The following FLVCR2 variants were observed in gnomAD, a reference collection of about 807,000 sequenced individuals.
The protein encoded by FLVCR2 is choline/ethanolamine transporter FLVCR2.
Under a neutral mutation model 48.9 loss-of-function variants are expected in FLVCR2, and 38 were observed. That is an observed-to-expected ratio of 0.78 (90% CI 0.60 to 1.02). The LOEUF is 1.02. Ranked by LOEUF, FLVCR2 falls within the 50% of genes least tolerant of loss-of-function variation. The pLI is 0.00. For missense variants in FLVCR2, 664 were observed against 663.3 expected (o/e 1.00, Z -0.01); for synonymous variants, 255 against 257.0 (o/e 0.99, Z 0.07).
intron 1 of FLVCR2, among the ~76,000 whole-genome samples, chr14:75,596,787 C>T (rs1236009859): frequency 2.5e-5 from 3 of 119,430 alleles, no homozygotes; most frequent in South Asian, 4.1e-4. Flanking sequence ...TTTGCCCCCC[C>T]CCCCCGCCCC....
chr14:75,637,969 A>C (rs911293267), intron 5 of FLVCR2, among the ~76,000 whole-genome samples: 2 of 151,878 alleles, frequency 1.3e-5, no homozygotes, highest in Non-Finnish European at 2.9e-5. Flanking sequence ...AGAAACCAAG[A>C]CTTGCTGATG....
intron 1 of FLVCR2, among the ~76,000 whole-genome samples, chr14:75,610,300 G>C (rs1187867616): frequency 6.6e-6 from 1 of 152,170 alleles, no homozygotes; most frequent in Non-Finnish European, 1.5e-5. Context: ...CTGGCCCTTT[G>C]TGGAGTTCAC....
intron 1 of FLVCR2, among the ~76,000 whole-genome samples, chr14:75,600,369 A>G (rs949628494): frequency 5.9e-5 from 9 of 152,240 alleles, no homozygotes; most frequent in Non-Finnish European, 7.3e-5. Context: ...ATCAAGAAGT[A>G]ACAATAAATA....
In FLVCR2 at chr14:75,645,917, CAAAAAAAAAAAA is replaced by C. The variant is rs33996926; in HGVS notation, c.1510-473_1510-462del. 3.2e-3 allele frequency among the ~76,000 whole-genome samples: 300 copies of C among 93,910 alleles called. 1 individual carries two copies. The highest frequency in any genetic ancestry group is 0.012 in the African/African-American group (283 of 23,430). The allele number at this position is 93,910 out of a possible 152,430, so 61.6% of individuals were successfully genotyped here. On this transcript the variant is annotated intron_variant, in intron 9 of 9. Transcript: ENST00000238667. Reference sequence around the variant, plus strand: ...TAGGCAGCAAAGTGAGACTCCATCTCAAAAAAAAAAAAAAAAAAAAAAGTATTCCTCATCCTG... The same window carrying C: ...TAGGCAGCAAAGTGAGACTCCATCTCAAAAAAAAAAGTATTCCTCATCCTG...
At chr14:75,593,912 C>T (rs1035203267) in intron 1 of FLVCR2, among the ~76,000 whole-genome samples, 5 of 152,236 alleles carry the variant, frequency 3.3e-5, no homozygotes, top group African/African-American at 1.2e-4. Flanking sequence ...TCTTTCTGCT[C>T]TGCTTTCTTT....
intron 1 of FLVCR2, among the ~76,000 whole-genome samples, chr14:75,599,196 A>G (rs1330201627): frequency 2.0e-5 from 3 of 151,828 alleles, no homozygotes; most frequent in African/African-American, 7.3e-5. Context: ...TTTTTAACTC[A>G]CCTTTGCCCC....
chr14:75,633,440 T>C (rs1467713884), intron 3 of FLVCR2, among the ~76,000 whole-genome samples, 189 bp from the exon 4 acceptor site: 2 of 152,196 alleles, frequency 1.3e-5, no homozygotes, highest in African/African-American at 4.8e-5. Flanking sequence ...TTTGGTTGTT[T>C]TGAAGTATTT....
At chr14:75,582,110 T>C (rs528758500) in intron 1 of FLVCR2, among the ~76,000 whole-genome samples, 2 of 152,156 alleles carry the variant, frequency 1.3e-5, no homozygotes, top group Admixed American at 6.5e-5. Flanking sequence ...TTAGCTACCA[T>C]ATCAGCATAA....
intron 1 of FLVCR2, among the ~76,000 whole-genome samples, chr14:75,580,493 A>T (rs1242427521): frequency 6.6e-6 from 1 of 152,264 alleles, no homozygotes; most frequent in Non-Finnish European, 1.5e-5. Context: ...AAGGATTGGT[A>T]ATCCTGTCTC....
At chr14:75,611,808 G>A (rs1298494137) in intron 1 of FLVCR2, among the ~76,000 whole-genome samples, 2 of 152,186 alleles carry the variant, frequency 1.3e-5, no homozygotes, top group Non-Finnish European at 2.9e-5. Context: ...GCCAACTTCA[G>A]GGGGTAGTTG....
At chr14:75,595,735 A>G (rs1889002347) in intron 1 of FLVCR2, 8 of 628,768 alleles carry the variant, frequency 1.3e-5, no homozygotes, top group Non-Finnish European at 2.0e-5. Context: ...TTTTCACATG[A>G]AAGTGTTTAG....
chr14:75,587,188 CTG>C (rs767286140), intron 1 of FLVCR2, among the ~76,000 whole-genome samples: 2 of 152,128 alleles, frequency 1.3e-5, no homozygotes, highest in South Asian at 4.1e-4. Context: ...GGAGAGGGAA[CTG>C]TGATCCAGAT....
chr14:75,621,695 G>A (rs1889771039), intron 1 of FLVCR2, among the ~76,000 whole-genome samples: 1 of 152,078 alleles, frequency 6.6e-6, no homozygotes, highest in Non-Finnish European at 1.5e-5. Context: ...CTCAGCTCTG[G>A]GTTAACAGAT....
At chr14:75,624,945 T>C (rs1889861873) in intron 3 of FLVCR2, among the ~76,000 whole-genome samples, 193 bp downstream of exon 3, 1 of 152,070 alleles carries the variant, frequency 6.6e-6, no homozygotes. Flanking sequence ...AAATAATTTC[T>C]TCCCATGTCA....
chr14:75,578,725 C>T lies in FLVCR2; in HGVS notation c.-248C>T. The T allele has an allele frequency of 1.7e-6, 1 of 582,198 alleles. No homozygotes were observed. Among genetic ancestry groups the T allele is most frequent in the Non-Finnish European group, 3.1e-6 (1 of 327,536 alleles). 36.1% of individuals were successfully genotyped at this position (582,198 alleles called of 1,614,324 possible). A position where few individuals can be genotyped will look rare whatever the true frequency, so the allele number is the denominator to read the frequency against. On this transcript the variant is annotated 5_prime_UTR_variant, in exon 1 of 10. Transcript: ENST00000238667. The stretch of plus-strand genomic sequence containing the variant: ...AGGAGCGGTCCGGAGCCGGCTGCGG[C>T]GTGTGCGGCCGGCCTTGGGACAGCG...
intron 1 of FLVCR2, among the ~76,000 whole-genome samples, chr14:75,599,014 T>C (rs541554859): frequency 2.0e-5 from 3 of 152,364 alleles, no homozygotes; most frequent in African/African-American, 7.2e-5. Flanking sequence ...GTCAGCAAGA[T>C]GGTGGACTAG....
At chr14:75,589,571 T>C (rs2140007687) in intron 1 of FLVCR2, among the ~76,000 whole-genome samples, 1 of 152,218 alleles carries the variant, frequency 6.6e-6, no homozygotes, top group Middle Eastern at 3.4e-3. Context: ...CTGGTAACTC[T>C]ACAGTTCTGG....
At chr14:75,605,433 C>G (rs1889266383) in intron 1 of FLVCR2, 3 of 1,465,874 alleles carry the variant, frequency 2.0e-6, no homozygotes, top group Non-Finnish European at 2.7e-6. Flanking sequence ...TGGGAGGGCA[C>G]CCTGTAAGCT....
At chr14:75,630,894 A>G (rs1890023810) in intron 3 of FLVCR2, among the ~76,000 whole-genome samples, 1 of 152,120 alleles carries the variant, frequency 6.6e-6, no homozygotes, top group Non-Finnish European at 1.5e-5. Flanking sequence ...GCTGAGGATG[A>G]TCAGACCTGA....
Sources: allele counts gnomAD v4.1 joint callset (sites outside exome capture counted in the v4.1 genomes callset), GRCh38; gene constraint gnomAD v4.1.1; transcripts MANE v1.5; gene names NCBI Gene and HGNC (gene_info 2026-07-23, HGNC 2026-07-21).